Variants in SGCZ observed in about 807,000 individuals in gnomAD.
The protein encoded by SGCZ is zeta-sarcoglycan.
In SGCZ, 40 loss-of-function variants were observed where a neutral mutation model predicts 41.3. The ratio of observed to expected loss-of-function variants is 0.97; its 90% confidence interval spans 0.75 to 1.26. The LOEUF (loss-of-function observed/expected upper bound fraction) is 1.26, where lower values mean the gene tolerates loss of function less well. Ranked by LOEUF, SGCZ falls within the 50% of genes most tolerant of loss-of-function variation. The pLI, the probability that SGCZ is intolerant of heterozygous loss-of-function variation, is 0.00. For synonymous variants in SGCZ, 206 were observed against 137.5 expected (o/e 1.50, Z -3.49); for missense variants, 552 against 369.8 (o/e 1.49, Z -4.04).
chr8:14,722,521 G>A (rs1015656170), intron 1 of SGCZ, among the ~76,000 whole-genome samples: 2 of 151,728 alleles, frequency 1.3e-5, no homozygotes, highest in African/African-American at 2.4e-5. Context: ...ATGTATTTAT[G>A]CACACAATAT....
At chr8:14,102,981 A>T (rs550264543) in intron 6 of SGCZ, among the ~76,000 whole-genome samples, 1 of 152,310 alleles carries the variant, frequency 6.6e-6, no homozygotes, top group East Asian at 1.9e-4. Flanking sequence ...GAAAATTGTT[A>T]ATATTGCACA....
intron 2 of SGCZ, among the ~76,000 whole-genome samples, chr8:14,534,689 G>GT (rs1022113089): frequency 3.9e-4 from 19 of 48,900 alleles, no homozygotes; most frequent in Admixed American, 1.1e-3. Flanking sequence ...AAGGGTACAA[G>GT]GTAACAATAT....
intron 5 of SGCZ, among the ~76,000 whole-genome samples, chr8:14,158,499 C>A (rs1483017550): frequency 6.6e-6 from 1 of 152,004 alleles, no homozygotes; most frequent in Non-Finnish European, 1.5e-5. Context: ...AATGTCAATC[C>A]CTTTAGCAAC....
At chr8:14,340,976 T>C (rs139773150) in intron 2 of SGCZ, among the ~76,000 whole-genome samples, 139 of 152,210 alleles carry the variant, frequency 9.1e-4, no homozygotes, top group African/African-American at 3.3e-3. Context: ...TAACTGCTAT[T>C]CTACCTTCTA....
At chr8:14,396,058 A>G (rs1798910296) in intron 2 of SGCZ, among the ~76,000 whole-genome samples, 1 of 152,164 alleles carries the variant, frequency 6.6e-6, no homozygotes, top group South Asian at 2.1e-4. Flanking sequence ...TTTTAAATGT[A>G]AGACCAAGGT....
intron 1 of SGCZ, among the ~76,000 whole-genome samples, chr8:14,695,305 AAAAT>A (rs1259792606): frequency 6.6e-6 from 1 of 152,212 alleles, no homozygotes; most frequent in Non-Finnish European, 1.5e-5. Context: ...AGAAAAGTAG[AAAAT>A]AAACTCTTAA....
rs375296338 is a variant in SGCZ, at chr8:14,241,686, C to G, written c.337-4007G>C. ...TGCCTCTAGCTCTAGAGGACATATCCGCCTTCTTATGTCACTCTTTAGACA... is the reference window on the plus strand; with the variant it reads ...TGCCTCTAGCTCTAGAGGACATATCGGCCTTCTTATGTCACTCTTTAGACA... On this transcript the variant is annotated intron_variant, in intron 3 of 7. Coordinates refer to ENST00000382080, the MANE Select transcript of SGCZ (RefSeq NM_139167.4). Among the ~76,000 whole-genome samples the G allele has an allele frequency of 2.0e-4, 30 of 151,968 alleles. 1 individual carries two copies. The South Asian group carries it at 5.6e-3, about 28-fold the overall frequency.
chr8:14,282,299 T>C (rs1358863944), intron 3 of SGCZ, among the ~76,000 whole-genome samples: 2 of 152,114 alleles, frequency 1.3e-5, no homozygotes, highest in Non-Finnish European at 2.9e-5. Flanking sequence ...GTAGATTAGA[T>C]ATCTTCACTC....
At chr8:14,525,216 T>C (rs1351299967) in intron 2 of SGCZ, among the ~76,000 whole-genome samples, 1 of 151,964 alleles carries the variant, frequency 6.6e-6, no homozygotes, top group Non-Finnish European at 1.5e-5. Flanking sequence ...AGACAGATGT[T>C]TCCACTATCA....
intron 1 of SGCZ, among the ~76,000 whole-genome samples, chr8:15,085,551 C>A (rs1347038227): frequency 6.6e-6 from 1 of 152,174 alleles, no homozygotes; most frequent in Non-Finnish European, 1.5e-5. Flanking sequence ...AATATCAGCT[C>A]AGTCTAACCC....
At chr8:15,158,749 A>G (rs1289458931) in intron 1 of SGCZ, among the ~76,000 whole-genome samples, 4 of 152,208 alleles carry the variant, frequency 2.6e-5, no homozygotes, top group Non-Finnish European at 5.9e-5. Flanking sequence ...ATTTCCCCAA[A>G]GACAATTTTG....
At chr8:14,795,728 A>C (rs1345770140) in intron 1 of SGCZ, among the ~76,000 whole-genome samples, 1 of 152,118 alleles carries the variant, frequency 6.6e-6, no homozygotes, top group East Asian at 1.9e-4. Flanking sequence ...TACATAGGTA[A>C]ACTTGTCTCA....
At chr8:14,179,580 C>G (rs68184191) in intron 4 of SGCZ, among the ~76,000 whole-genome samples, 24 of 151,966 alleles carry the variant, frequency 1.6e-4, no homozygotes, top group Admixed American at 7.2e-4. Context: ...ACCTCAGAGT[C>G]TCTTACAAAT....
rs142556430 is a variant in SGCZ, at chr8:14,384,735, G to A, written c.235-60531C>T. ...CCACCATACCCGGCTAATTTTTGTAGAGACGAGGTTTTGCCATGTTGGCCG... is the reference window on the plus strand; with the variant it reads ...CCACCATACCCGGCTAATTTTTGTAAAGACGAGGTTTTGCCATGTTGGCCG... On this transcript the variant is annotated intron_variant, in intron 2 of 7. Transcript: ENST00000382080. Among the ~76,000 whole-genome samples the A allele has an allele frequency of 2.0e-5, 3 of 152,040 alleles. 1 individual carries two copies. In the South Asian group the frequency reaches 6.2e-4, roughly 32 times the overall value.
At chr8:14,109,563 T>C (rs1195890534) in intron 5 of SGCZ, among the ~76,000 whole-genome samples, 1 of 152,128 alleles carries the variant, frequency 6.6e-6, no homozygotes. Context: ...TTTAAAAATA[T>C]GTATTTGAAG....
At chr8:14,839,592 T>C (rs1366736472) in intron 1 of SGCZ, among the ~76,000 whole-genome samples, 1 of 152,132 alleles carries the variant, frequency 6.6e-6, no homozygotes, top group Admixed American at 6.5e-5. Flanking sequence ...TAAACACTTT[T>C]TTTCCACCAT....
chr8:14,567,519 A>G (rs1242282766), intron 1 of SGCZ, among the ~76,000 whole-genome samples: 1 of 152,120 alleles, frequency 6.6e-6, no homozygotes, highest in South Asian at 2.1e-4. Context: ...CACCTTGTCA[A>G]AACAAACCAA....
Position 15,159,749 on chromosome 8 carries a change from CCCA to C in SGCZ, c.39+77833_39+77835del, listed in dbSNP as rs1367347349. Among the ~76,000 whole-genome samples the C allele has an allele frequency of 3.8e-4, 22 of 57,888 alleles. 3 individuals are homozygous for C. Among genetic ancestry groups the C allele is most frequent in the Non-Finnish European group, 2.8e-4 (7 of 24,818 alleles). The allele number at this position is 57,888 out of a possible 152,430, so 38.0% of individuals were successfully genotyped here. On this transcript the variant is annotated intron_variant, in intron 1 of 7. Transcript: ENST00000382080. ...CGCCCCCGCCCCCCCCACCCTCCCC[CCCA>C]CCCCCGCCACACACACACAGATGGT...
intron 2 of SGCZ, among the ~76,000 whole-genome samples, chr8:14,428,046 C>G (rs1030341572): frequency 4.6e-5 from 7 of 151,450 alleles, no homozygotes; most frequent in Non-Finnish European, 1.0e-4. Context: ...GCAGATTTTG[C>G]TATCTGCAGG....
Sources: gnomAD v4.1 joint callset for allele counts (sites outside exome capture counted in the v4.1 genomes callset) on GRCh38, gnomAD v4.1.1 for gene constraint, MANE v1.5 for transcripts, NCBI Gene and HGNC (gene_info 2026-07-23, HGNC 2026-07-21) for gene names.